The following PLXDC2 variants were observed in gnomAD, a reference collection of about 807,000 sequenced individuals.
PLXDC2 encodes plexin domain containing 2.
Under a neutral mutation model 68.9 loss-of-function variants are expected in PLXDC2, and 40 were observed. The ratio of observed to expected loss-of-function variants is 0.58; its 90% CI spans 0.45 to 0.76. The LOEUF (loss-of-function observed/expected upper bound fraction) is 0.76. Ranked by LOEUF, PLXDC2 falls within the 30% of genes least tolerant of loss-of-function variation. The probability of loss-of-function intolerance (pLI) is 0.00; values close to 1 mark genes in which losing one functional copy is unlikely to be tolerated. For synonymous variants in PLXDC2, 243 were observed against 234.2 expected (o/e 1.04, Z -0.34); for missense variants, 644 against 661.9 (o/e 0.97, Z 0.30).
chr10:19,903,975 A>G (rs531390640), intron 1 of PLXDC2, among the ~76,000 whole-genome samples: 2 of 151,896 alleles, frequency 1.3e-5, no homozygotes, highest in East Asian at 3.9e-4. Context: ...TTTAATTTCC[A>G]TCTATTTGTG....
intron 1 of PLXDC2, among the ~76,000 whole-genome samples, chr10:19,901,597 A>T (rs1022563971): frequency 1.3e-5 from 2 of 152,078 alleles, no homozygotes; most frequent in Non-Finnish European, 1.5e-5. Flanking sequence ...GGATGTATAG[A>T]TTGTGAAGAT....
intron 2 of PLXDC2, among the ~76,000 whole-genome samples, chr10:20,042,898 G>A (rs530706832): frequency 6.6e-6 from 1 of 152,250 alleles, no homozygotes; most frequent in African/African-American, 2.4e-5. Flanking sequence ...CACACATGGT[G>A]CCACCTACTT....
intron 1 of PLXDC2, among the ~76,000 whole-genome samples, chr10:19,947,662 GTCTC>G (rs1220761483): frequency 6.8e-6 from 1 of 146,470 alleles, no homozygotes; most frequent in African/African-American, 2.5e-5. Flanking sequence ...GGTGATTTAT[GTCTC>G]TCTCTCTCTT....
chr10:20,158,716 A>G (rs1020479093), intron 6 of PLXDC2, among the ~76,000 whole-genome samples: 7 of 151,256 alleles, frequency 4.6e-5, no homozygotes, highest in African/African-American at 1.5e-4. Context: ...AAAGTAGTTT[A>G]TTTTAAATGT....
chr10:20,205,357 A>C (rs1403844202), intron 9 of PLXDC2, among the ~76,000 whole-genome samples: 1 of 152,152 alleles, frequency 6.6e-6, no homozygotes, highest in Admixed American at 6.6e-5. Context: ...TAATTTGGAC[A>C]TAAAAACATT....
At chr10:19,852,763 TTTGTC>T (rs1289442694) in intron 1 of PLXDC2, among the ~76,000 whole-genome samples, 21 of 152,202 alleles carry the variant, frequency 1.4e-4, no homozygotes, top group African/African-American at 4.1e-4. Flanking sequence ...AGTTTATTAT[TTTGTC>T]TAGTCTACAG....
At chr10:19,817,458 G>A (rs1487849590) in intron 1 of PLXDC2, among the ~76,000 whole-genome samples, 1 of 152,168 alleles carries the variant, frequency 6.6e-6, no homozygotes, top group African/African-American at 2.4e-5. Context: ...AAGTAGCCCA[G>A]GGAGGGCTTC....
intron 2 of PLXDC2, among the ~76,000 whole-genome samples, chr10:20,035,788 T>TA (rs2131671710): frequency 6.6e-6 from 1 of 152,238 alleles, no homozygotes; most frequent in African/African-American, 2.4e-5. Context: ...GAAATGAGAT[T>TA]ATTGGCCAAG....
At chr10:19,962,384 C>CTTTT (rs562410398) in intron 1 of PLXDC2, among the ~76,000 whole-genome samples, 3 of 27,738 alleles carry the variant, frequency 1.1e-4, no homozygotes, top group Non-Finnish European at 1.8e-4. Context: ...CCCATCTTTA[C>CTTTT]TTTTTTTTTT....
Position 20,177,405 on chromosome 10 carries a change from C to G in PLXDC2, c.1057C>G (p.Gln353Glu), listed in dbSNP as rs1332722456. 1 of 1,502,180 alleles carries G rather than the reference C, an allele frequency of 6.7e-7. No homozygotes were observed. The highest frequency in any genetic ancestry group is 1.7e-5 in the Admixed American group (1 of 57,740). 93.1% of individuals were successfully genotyped at this position (1,502,180 alleles called of 1,614,324 possible). ...GFNCSWCSKL[Q>E]RCSSGFDRHR... The stretch of plus-strand genomic sequence containing the variant: ...CAACTGCAGTTGGTGTAGTAAACTT[C>G]AAAGGTAAAAATATAATAATAAGAA... Residue 353 changes from glutamine (Q) to glutamate (E), a missense_variant, in exon 9 of 14, where the codon CAA (glutamine) becomes GAA (glutamate). Gln to Glu is a conservative substitution (Grantham distance 29). Coordinates refer to ENST00000377252, the MANE Select transcript of PLXDC2 (RefSeq NM_032812.9).
intron 6 of PLXDC2, among the ~76,000 whole-genome samples, chr10:20,163,930 A>G (rs1421102976): frequency 6.6e-6 from 1 of 152,200 alleles, no homozygotes; most frequent in Non-Finnish European, 1.5e-5. Context: ...GAATGGTGAA[A>G]TGATTGCCAA....
At position 20,288,904 on chromosome 10, in the gene PLXDC2, AT is replaced by A. The variant is rs1308471637; in HGVS notation, c.*9089del. On this transcript the variant is annotated 3_prime_UTR_variant, in exon 14 of 14. Coordinates refer to ENST00000377252, the MANE Select transcript of PLXDC2 (RefSeq NM_032812.9). The stretch of plus-strand genomic sequence containing the variant: ...ACCTGTGTTTTTGCTGTTGATTGCT[AT>A]TTTCAGAAGCAAACCATGTTTTTCA... 6.6e-6 allele frequency: 1 copy of A among 152,072 alleles called. No homozygotes were observed. The highest frequency in any genetic ancestry group is 2.4e-5 in the African/African-American group (1 of 41,350). The allele number at this position is 152,072 out of a possible 1,614,324, so 9.4% of individuals were successfully genotyped here.
intron 1 of PLXDC2, among the ~76,000 whole-genome samples, chr10:19,978,789 G>C (rs778035036): frequency 7.2e-5 from 11 of 152,170 alleles, no homozygotes; most frequent in Non-Finnish European, 1.5e-4. Flanking sequence ...GCTATTTGAT[G>C]ATTAGTAAAT....
chr10:20,214,482 C>T (rs191303114), intron 10 of PLXDC2, among the ~76,000 whole-genome samples: 5 of 152,188 alleles, frequency 3.3e-5, no homozygotes, highest in South Asian at 2.1e-4. Context: ...CTCTTTAGAG[C>T]GATATTGATT....
intron 1 of PLXDC2, among the ~76,000 whole-genome samples, chr10:19,827,843 G>A (rs2131306627): frequency 6.6e-6 from 1 of 152,246 alleles, no homozygotes; most frequent in East Asian, 1.9e-4. Context: ...ACAGACATGA[G>A]CCACCGCGCC....
intron 3 of PLXDC2, among the ~76,000 whole-genome samples, chr10:20,063,891 C>G (rs1467886424): frequency 6.6e-6 from 1 of 152,160 alleles, no homozygotes; most frequent in African/African-American, 2.4e-5. Context: ...TTATTTTCTA[C>G]CATATGAAGA....
chr10:20,282,569 C>T lies in PLXDC2; in HGVS notation c.*2750C>T. 6.6e-6 allele frequency: 1 copy of T among 152,130 alleles called. No homozygotes were observed. The allele number at this position is 152,130 out of a possible 1,614,324, so 9.4% of individuals were successfully genotyped here. On this transcript the variant is annotated 3_prime_UTR_variant, in exon 14 of 14. Coordinates refer to ENST00000377252, the MANE Select transcript of PLXDC2 (RefSeq NM_032812.9). ...AATAATCAGTGACTAGGTAAAGATA[C>T]TGAAACTCAAGAAAAATATCTTGAC...
intron 9 of PLXDC2, among the ~76,000 whole-genome samples, chr10:20,196,692 T>A (rs77395292): frequency 6.6e-6 from 1 of 152,144 alleles, no homozygotes; most frequent in African/African-American, 2.4e-5. Context: ...CAGCTTCAAG[T>A]TTTGCAGTTG....
intron 1 of PLXDC2, among the ~76,000 whole-genome samples, chr10:19,885,244 T>C (rs934023880): frequency 2.0e-5 from 3 of 151,886 alleles, no homozygotes; most frequent in African/African-American, 7.3e-5. Flanking sequence ...TTGTAGATTC[T>C]GGATATTAGC....
Sources: gnomAD v4.1 joint callset for allele counts (sites outside exome capture counted in the v4.1 genomes callset) on GRCh38, gnomAD v4.1.1 for gene constraint, MANE v1.5 for transcripts, NCBI Gene and HGNC (gene_info 2026-07-23, HGNC 2026-07-21) for gene names.